Variants in MRC2 observed in about 807,000 individuals in gnomAD.
MRC2 encodes mannose receptor C-type 2.
In MRC2, 84 loss-of-function variants were observed where a neutral mutation model predicts 206.2. The observed-to-expected ratio is 0.41, with a 90% confidence interval of 0.34 to 0.49. The LOEUF is 0.49. Among genes scored for constraint, MRC2 ranks in the 20% least tolerant of loss-of-function variants. The pLI is 0.31. For synonymous variants in MRC2, 798 were observed against 800.0 expected, an observed-to-expected ratio of 1.00 and a Z score of 0.04; for missense variants, 1,676 against 2,001.5, an observed-to-expected ratio of 0.84 and a Z score of 3.10.
Position 62,680,720 on chromosome 17 carries a change from G to A in MRC2, c.2474-80G>A. 7.1e-7 allele frequency: 1 copy of A among 1,401,248 alleles called. No homozygotes were observed. The highest frequency in any genetic ancestry group is 9.3e-7 in the Non-Finnish European group (1 of 1,080,454). 86.8% of individuals were successfully genotyped at this position (1,401,248 alleles called of 1,614,324 possible). A position where few individuals can be genotyped will look rare whatever the true frequency, so the allele number is the denominator to read the frequency against. On this transcript the variant is annotated intron_variant, in intron 16 of 29. Coordinates refer to ENST00000303375, the MANE Select transcript of MRC2 (RefSeq NM_006039.5). The surrounding 1 kb of genome is among the most constrained non-coding windows in gnomAD (Gnocchi z 4.8). ...GCCTGCTGCCGCCTGGCTCTGCCCC[G>A]GCCCTGCCGCGCCCGCCTCCGGGGC...
At chr17:62,640,439 G>GT (rs1320026664) in intron 1 of MRC2, among the ~76,000 whole-genome samples, 2 of 152,246 alleles carry the variant, frequency 1.3e-5, no homozygotes, top group East Asian at 1.9e-4. Context: ...TGAGGCTTGC[G>GT]TTTTGAAAGC....
chr17:62,654,104 C>T (rs143769098), intron 1 of MRC2, among the ~76,000 whole-genome samples: 34 of 151,832 alleles, frequency 2.2e-4, no homozygotes, highest in Non-Finnish European at 3.5e-4. Flanking sequence ...CCCTTTCAGG[C>T]GGCCTCTGGC....
At position 62,664,650 on chromosome 17, in the gene MRC2, C is replaced by T; in HGVS notation, c.221C>T (p.Ala74Val). The T allele has an allele frequency of 6.2e-7, 1 of 1,613,784 alleles. No individual in the cohort carries two copies. Among genetic ancestry groups the T allele is most frequent in the Non-Finnish European group, 8.5e-7 (1 of 1,180,036 alleles). ...CCGGCTTGCAATACCAGCCTCCCTG[C>T]CCAGCGCTGGAAGTGGGTCTCCCGA... ...VTPACNTSLP[A>V]QRWKWVSRNR... is the part of the protein sequence containing the mutation. The change falls in exon 2 of 30, where the codon GCC becomes GTC. Residue 74 changes from alanine to valine, a missense_variant. Ala to Val is a moderately conservative substitution (Grantham distance 64). This residue lies in a region of MRC2 where 318 missense variants were observed against 346.7 expected (regional missense o/e 0.92). Coordinates refer to ENST00000303375, the MANE Select transcript of MRC2 (RefSeq NM_006039.5). This position sits in a 1 kb window ranked among gnomAD's most constrained non-coding sequence, Gnocchi z 4.7.
intron 1 of MRC2, among the ~76,000 whole-genome samples, chr17:62,632,840 CCAGCCTTCCT>C (rs1260055540): frequency 6.6e-6 from 1 of 152,182 alleles, no homozygotes; most frequent in East Asian, 1.9e-4. Context: ...AACACTATAG[CCAGCCTTCCT>C]CAGCCTTCCC....
chr17:62,660,388 C>A (rs1042559751), intron 1 of MRC2, among the ~76,000 whole-genome samples: 1 of 152,168 alleles, frequency 6.6e-6, no homozygotes, highest in African/African-American at 2.4e-5. Flanking sequence ...GACTCCTGAA[C>A]TGTGCATTTG....
rs1196491799 is a variant in MRC2 at position 62,671,430 on chromosome 17, C to T, written c.1118-219C>T. On this transcript the variant is annotated intron_variant, in intron 6 of 29. Coordinates refer to ENST00000303375, the MANE Select transcript of MRC2 (RefSeq NM_006039.5). This position sits in a 1 kb window ranked among gnomAD's most constrained non-coding sequence, Gnocchi z 4.5. ...AGTGTTCTGTCCTGGGTGGAATCTG[C>T]CACCACGACTTGGGTCTCTGTCCCG... is the stretch of plus-strand genomic sequence containing the variant. 6.6e-6 allele frequency among the ~76,000 whole-genome samples: 1 copy of T among 152,188 alleles called. No homozygotes were observed. Among genetic ancestry groups the T allele is most frequent in the African/African-American group, 2.4e-5 (1 of 41,438 alleles).
At chr17:62,682,036 G>T in intron 19 of MRC2, 99 bp downstream of exon 19, 2 of 1,210,154 alleles carry the variant, frequency 1.7e-6, no homozygotes, top group African/African-American at 1.5e-5. Context: ...CATTCTCTTT[G>T]TTCCCACAAC....
At chr17:62,681,295 G>A in intron 18 of MRC2, 166 bp downstream of exon 18, 1 of 734,974 alleles carries the variant, frequency 1.4e-6, no homozygotes, top group Non-Finnish European at 2.2e-6. Context: ...ATCTGAAAAT[G>A]GGAATATGAG....
chr17:62,638,981 A>G (rs1001571448), intron 1 of MRC2, among the ~76,000 whole-genome samples: 1 of 152,204 alleles, frequency 6.6e-6, no homozygotes, highest in Non-Finnish European at 1.5e-5. Context: ...AGAAATTTTA[A>G]TTTCAGTTTA....
rs2088764958 is a variant in MRC2 at position 62,666,976 on chromosome 17, AG to A, written c.973+110del. 2.2e-6 allele frequency: 2 copies of A among 891,708 alleles called. No individual in the cohort carries two copies. The highest frequency in any genetic ancestry group is 1.6e-5 in the African/African-American group (1 of 60,822). 55.2% of individuals were successfully genotyped at this position (891,708 alleles called of 1,614,324 possible). On this transcript the variant is annotated intron_variant, in intron 5 of 29. Coordinates refer to ENST00000303375, the MANE Select transcript of MRC2 (RefSeq NM_006039.5). This position sits in a 1 kb window ranked among gnomAD's most constrained non-coding sequence, Gnocchi z 5.0. ...CCTCCTGCAGAGGGGCAGTGTGGGT[AG>A]GGGAAGCACCGACCTCCACCCCCCT...
intron 20 of MRC2, chr17:62,684,085 T>C (rs1054852599): frequency 1.1e-4 from 16 of 152,248 alleles, no homozygotes; most frequent in Admixed American, 8.5e-4. Flanking sequence ...TGTGATTACA[T>C]GTACTTCACG....
In MRC2 at chr17:62,684,148, C is replaced by T. The variant is rs1314933114; in HGVS notation, c.2946+1771C>T. ...TATGACTCATGACTCACAGGTCTAA[C>T]GTGTTGAAAATCAAAGTTATTTCAA... On this transcript the variant is annotated intron_variant, in intron 20 of 29. Coordinates refer to ENST00000303375, the MANE Select transcript of MRC2 (RefSeq NM_006039.5). The T allele has an allele frequency of 5.9e-5, 9 of 152,280 alleles. No individual in the cohort carries two copies. The South Asian group carries it at 8.3e-4, about 14-fold the overall frequency. The allele number at this position is 152,280 out of a possible 1,614,324, so 9.4% of individuals were successfully genotyped here. A position where few individuals can be genotyped will look rare whatever the true frequency, so the allele number is the denominator to read the frequency against.
chr17:62,652,807 A>C lies in MRC2; in HGVS notation c.119-11741A>C, dbSNP rs892707179. Among the ~76,000 whole-genome samples the C allele has an allele frequency of 7.8e-5, 1 of 12,782 alleles. No homozygotes were observed. The highest frequency in any genetic ancestry group is 2.1e-3 in the South Asian group (1 of 474). 8.4% of individuals were successfully genotyped at this position (12,782 alleles called of 152,430 possible). The stretch of plus-strand genomic sequence containing the variant: ...TGGCAGGGGGAGGGGTGCTCGGTGG[A>C]GGGAGGGGCACACGGTGGCGGGGGG... On this transcript the variant is annotated intron_variant, in intron 1 of 29. Coordinates refer to ENST00000303375, the MANE Select transcript of MRC2 (RefSeq NM_006039.5). This position sits in a 1 kb window ranked among gnomAD's most constrained non-coding sequence, Gnocchi z 4.6.
chr17:62,667,202 G>C lies in MRC2; in HGVS notation c.974-188G>C, dbSNP rs1320720433. Among the ~76,000 whole-genome samples, 1 of 152,186 alleles carries C rather than the reference G, an allele frequency of 6.6e-6. No homozygotes were observed. Among genetic ancestry groups the C allele is most frequent in the Non-Finnish European group, 1.5e-5 (1 of 68,016 alleles). ...TACTGGGTAGAAGGTTCAAGGCGAC[G>C]TGCACCCAGGTTAGAAAGCGCGGAG... On this transcript the variant is annotated intron_variant, in intron 5 of 29. Coordinates refer to ENST00000303375, the MANE Select transcript of MRC2 (RefSeq NM_006039.5). This position sits in a 1 kb window ranked among gnomAD's most constrained non-coding sequence, Gnocchi z 4.1.
chr17:62,666,908 G>A lies in MRC2; in HGVS notation c.973+38G>A, dbSNP rs1318701498. The A allele has an allele frequency of 7.8e-6, 12 of 1,543,514 alleles. No homozygotes were observed. In the South Asian group the frequency reaches 1.2e-4, roughly 16 times the overall value. On this transcript the variant is annotated intron_variant, in intron 5 of 29. Coordinates refer to ENST00000303375, the MANE Select transcript of MRC2 (RefSeq NM_006039.5). This position sits in a 1 kb window ranked among gnomAD's most constrained non-coding sequence, Gnocchi z 5.0. ...GTTGGGGGCGCAGGGCAGCATAGGG[G>A]CCCCGCGGGCTCTTGGCCTCCCATG...
intron 1 of MRC2, among the ~76,000 whole-genome samples, chr17:62,659,475 G>A (rs760042469): frequency 2.0e-5 from 3 of 152,182 alleles, no homozygotes; most frequent in Non-Finnish European, 4.4e-5. Context: ...CCGGGGAGGC[G>A]GAGGTTGCAG....
chr17:62,653,927 G>A (rs368385261), intron 1 of MRC2, among the ~76,000 whole-genome samples: 3 of 152,142 alleles, frequency 2.0e-5, no homozygotes, highest in South Asian at 2.1e-4. Context: ...ATGCATGTAC[G>A]TGGACACAGT....
In MRC2 at chr17:62,648,211, C is replaced by T. The variant is rs183625738; in HGVS notation, c.119-16337C>T. ...TTGAGGTCAGGAGTTCGAGACCAGCCTGGCCAACATGGCGAAACCCCATCT... is the reference window on the plus strand; with the variant it reads ...TTGAGGTCAGGAGTTCGAGACCAGCTTGGCCAACATGGCGAAACCCCATCT... On this transcript the variant is annotated intron_variant, in intron 1 of 29. Transcript: ENST00000303375. 5.4e-3 allele frequency among the ~76,000 whole-genome samples: 826 copies of T among 152,350 alleles called. 27 individuals carry two copies. Among genetic ancestry groups the T allele is most frequent in the Admixed American group, 0.051 (788 of 15,308 alleles).
Position 62,672,065 on chromosome 17 carries a change from G to A in MRC2, c.1374G>A (p.Gly458=), listed in dbSNP as rs1296640856. ...AGATGAATTTTGAGTGGTCTGACGG[G>A]AGCCTTGTGAGCTTCACCCACTGGC... The part of the protein sequence containing the change: ...KLQMNFEWSD[G]SLVSFTHWHP... The change falls in exon 8 of 30, where the codon GGG becomes GGA. Residue 458 remains glycine, a synonymous_variant. Coordinates refer to ENST00000303375, the MANE Select transcript of MRC2 (RefSeq NM_006039.5). The surrounding 1 kb of genome is among the most constrained non-coding windows in gnomAD (Gnocchi z 4.5). 1 of 1,613,996 alleles carries A rather than the reference G, an allele frequency of 6.2e-7. No individual in the cohort carries two copies. The highest frequency in any genetic ancestry group is 1.3e-5 in the African/African-American group (1 of 74,896).
Sources: allele counts gnomAD v4.1 joint callset (sites outside exome capture counted in the v4.1 genomes callset), GRCh38; gene constraint gnomAD v4.1.1; regional missense constraint gnomAD v4.1.1; non-coding constraint Gnocchi (gnomAD v3.1); transcripts MANE v1.5; gene names NCBI Gene and HGNC (gene_info 2026-07-23, HGNC 2026-07-21).